The following GFRA1 variants were observed in gnomAD, a reference collection of about 807,000 sequenced individuals.
The protein encoded by GFRA1 is GDNF family receptor alpha-1.
In GFRA1, 16 loss-of-function variants were observed where a neutral mutation model predicts 51.6. The ratio of observed to expected loss-of-function variants is 0.31; its 90% CI spans 0.21 to 0.47. The LOEUF (loss-of-function observed/expected upper bound fraction) is 0.47. GFRA1 is among the 20% of genes least tolerant of loss of function. The pLI, the probability that GFRA1 is intolerant of heterozygous loss-of-function variation, is 1.00. For synonymous variants in GFRA1, 270 were observed against 241.3 expected, an observed-to-expected ratio of 1.12 and a Z score of -1.10; for missense variants, 530 against 594.3, an observed-to-expected ratio of 0.89 and a Z score of 1.13.
At chr10:116,243,760 T>C (rs1967613673) in intron 4 of GFRA1, among the ~76,000 whole-genome samples, 1 of 152,096 alleles carries the variant, frequency 6.6e-6, no homozygotes. Context: ...TGACAAGGCC[T>C]TGAGAGAGTA....
Position 116,059,058 on chromosome 10 carries a change from C to G in GFRA1, c.*5340G>C, listed in dbSNP as rs1167729305. 1.3e-5 allele frequency: 2 copies of G among 152,184 alleles called. No individual in the cohort carries two copies. Among genetic ancestry groups the G allele is most frequent in the Non-Finnish European group, 2.9e-5 (2 of 68,040 alleles). The allele number at this position is 152,184 out of a possible 1,614,324, so 9.4% of individuals were successfully genotyped here. On this transcript the variant is annotated 3_prime_UTR_variant, in exon 11 of 11. Coordinates refer to ENST00000355422, the MANE Select transcript of GFRA1 (RefSeq NM_005264.8). ...AGTCACTTGGATCCCAGTGCTTTTT[C>G]AGACCCTTTCTCCTAGGTCACCCTC... is the stretch of plus-strand genomic sequence containing the variant.
At chr10:116,168,060 C>A (rs1197624333) in intron 5 of GFRA1, among the ~76,000 whole-genome samples, 6 of 151,760 alleles carry the variant, frequency 4.0e-5, no homozygotes, top group African/African-American at 1.5e-4. Context: ...TTCATCAATG[C>A]AACCAAAAAC....
chr10:116,097,247 T>G lies in GFRA1; in HGVS notation c.771-483A>C, dbSNP rs574735356. Among the ~76,000 whole-genome samples the G allele has an allele frequency of 4.1e-4, 63 of 152,242 alleles. 1 individual carries two copies. In the South Asian group the frequency reaches 0.013, roughly 31 times the overall value. On this transcript the variant is annotated intron_variant, in intron 6 of 10. Transcript: ENST00000355422. Reference sequence around the variant, plus strand: ...GTAATTCCTACTGGCTTTAAGAATGTGTGTTTCTGTCTTGTAAGTCACCTC... The same window carrying G: ...GTAATTCCTACTGGCTTTAAGAATGGGTGTTTCTGTCTTGTAAGTCACCTC...
At chr10:116,154,636 T>C (rs1959169301) in intron 5 of GFRA1, among the ~76,000 whole-genome samples, 1 of 152,228 alleles carries the variant, frequency 6.6e-6, no homozygotes, top group South Asian at 2.1e-4. Context: ...CTTCAACAGC[T>C]GTGTTCACTT....
intron 6 of GFRA1, 24 bp from the exon 7 acceptor site, chr10:116,096,788 G>A (rs760528473): frequency 2.3e-6 from 3 of 1,331,216 alleles, no homozygotes; most frequent in South Asian, 2.4e-5. Context: ...AAAGGGGTGG[G>A]GGGTGGAAAT....
chr10:116,166,699 C>G (rs1294680521), intron 5 of GFRA1, among the ~76,000 whole-genome samples: 1 of 151,480 alleles, frequency 6.6e-6, no homozygotes, highest in African/African-American at 2.4e-5. Context: ...CCTTTCCTTC[C>G]CTGCCAGTTC....
chr10:116,162,235 G>A (rs929164731), intron 5 of GFRA1, among the ~76,000 whole-genome samples: 1 of 152,220 alleles, frequency 6.6e-6, no homozygotes, highest in Non-Finnish European at 1.5e-5. Flanking sequence ...CCATATCATG[G>A]ATCTAAGCAG....
chr10:116,087,128 C>T (rs994020015), intron 9 of GFRA1, among the ~76,000 whole-genome samples: 1 of 152,190 alleles, frequency 6.6e-6, no homozygotes, highest in Non-Finnish European at 1.5e-5. Flanking sequence ...GGGAATAGAG[C>T]GCCTGTGTTC....
intron 5 of GFRA1, among the ~76,000 whole-genome samples, chr10:116,168,716 G>T (rs2134216016): frequency 6.6e-6 from 1 of 152,300 alleles, no homozygotes; most frequent in South Asian, 2.1e-4. Context: ...CGTCTGTCCA[G>T]CAGAGGCCAT....
At chr10:116,067,226 C>T (rs1955154940) in intron 9 of GFRA1, among the ~76,000 whole-genome samples, 1 of 152,202 alleles carries the variant, frequency 6.6e-6, no homozygotes, top group Non-Finnish European at 1.5e-5. Context: ...TTGTCACCTA[C>T]AGAGAGTAAT....
chr10:116,181,793 G>GCGCCCA (rs1447708871), intron 5 of GFRA1, among the ~76,000 whole-genome samples: 1 of 152,006 alleles, frequency 6.6e-6, no homozygotes, highest in African/African-American at 2.4e-5. Context: ...GCCCGCGCCC[G>GCGCCCA]CTACTATGCC....
chr10:116,159,104 A>G (rs1959475421), intron 5 of GFRA1, among the ~76,000 whole-genome samples: 2 of 152,196 alleles, frequency 1.3e-5, no homozygotes, highest in Admixed American at 1.3e-4. Flanking sequence ...ACTATGGACA[A>G]TCCAACTGAG....
chr10:116,227,885 A>G (rs1966411256), intron 4 of GFRA1, among the ~76,000 whole-genome samples: 1 of 152,220 alleles, frequency 6.6e-6, no homozygotes, highest in Non-Finnish European at 1.5e-5. Context: ...GGGCATATCC[A>G]AAGATGATAT....
chr10:116,057,469 C>T lies in GFRA1; in HGVS notation c.*6929G>A, dbSNP rs1565538860. The T allele has an allele frequency of 2.0e-5, 3 of 152,200 alleles. No individual in the cohort carries two copies. The highest frequency in any genetic ancestry group is 2.9e-5 in the Non-Finnish European group (2 of 68,038). The allele number at this position is 152,200 out of a possible 1,614,324, so 9.4% of individuals were successfully genotyped here. On this transcript the variant is annotated 3_prime_UTR_variant, in exon 11 of 11. Coordinates refer to ENST00000355422, the MANE Select transcript of GFRA1 (RefSeq NM_005264.8). The stretch of plus-strand genomic sequence containing the variant: ...ACGAACATAAGCTGAAACACACCCT[C>T]GGGTTAAGAGTGAAAAATGCAACAC...
At chr10:116,172,957 T>C (rs554485452) in intron 5 of GFRA1, among the ~76,000 whole-genome samples, 67 of 152,234 alleles carry the variant, frequency 4.4e-4, no homozygotes, top group Middle Eastern at 3.4e-3. Flanking sequence ...GGTATAAGAA[T>C]ATAAAACTGA....
chr10:116,161,582 T>C (rs983836580), intron 5 of GFRA1, among the ~76,000 whole-genome samples: 1 of 152,188 alleles, frequency 6.6e-6, no homozygotes, highest in Admixed American at 6.5e-5. Context: ...GTGGAGATAA[T>C]TGAATCATGG....
intron 5 of GFRA1, among the ~76,000 whole-genome samples, chr10:116,132,900 C>T (rs991846175): frequency 1.3e-5 from 2 of 152,264 alleles, no homozygotes; most frequent in South Asian, 2.1e-4. Context: ...CTGTGTTTTA[C>T]GGTCTGGGCA....
chr10:116,101,661 G>A (rs1193477012), intron 6 of GFRA1, among the ~76,000 whole-genome samples: 3 of 152,114 alleles, frequency 2.0e-5, no homozygotes, highest in Non-Finnish European at 4.4e-5. Context: ...GTAGTGTGAT[G>A]GAAAACAGGT....
intron 5 of GFRA1, among the ~76,000 whole-genome samples, chr10:116,199,024 C>G (rs751999742): frequency 2.8e-4 from 43 of 152,186 alleles, no homozygotes; most frequent in South Asian, 6.2e-4. Context: ...AGCCACAGGC[C>G]AGGGAATACT....
Sources: allele counts gnomAD v4.1 joint callset (sites outside exome capture counted in the v4.1 genomes callset), GRCh38; gene constraint gnomAD v4.1.1; transcripts MANE v1.5; gene names NCBI Gene and HGNC (gene_info 2026-07-23, HGNC 2026-07-21).